DHCR24: variants seen among roughly 807,000 people sequenced by gnomAD.
The protein encoded by DHCR24 is 24-dehydrocholesterol reductase, also known as delta(24)-sterol reductase.
A neutral mutation model predicts 61.2 loss-of-function variants in DHCR24; 28 were observed. The ratio of observed to expected loss-of-function variants is 0.46; its 90% CI spans 0.34 to 0.63. DHCR24 has a LOEUF of 0.63. Ranked by LOEUF, DHCR24 falls within the 20% of genes least tolerant of loss-of-function variation. The pLI is 0.01. For synonymous variants in DHCR24, 261 were observed against 275.9 expected, an observed-to-expected ratio of 0.95 and a Z score of 0.54; for missense variants, 538 against 679.1, an observed-to-expected ratio of 0.79 and a Z score of 2.31.
chr1:54,869,804 C>T (rs1057278736), intron 5 of DHCR24, among the ~76,000 whole-genome samples: 1 of 152,170 alleles, frequency 6.6e-6, no homozygotes, highest in Admixed American at 6.5e-5. Context: ...GTAATCCCAG[C>T]ACTTGGCTTG....
At chr1:54,860,956 C>T (rs1646934148) in intron 6 of DHCR24, among the ~76,000 whole-genome samples, 1 of 151,518 alleles carries the variant, frequency 6.6e-6, no homozygotes, top group African/African-American at 2.4e-5. Flanking sequence ...CCACTGCACC[C>T]CAGCCTGGGC....
In DHCR24 at chr1:54,883,215, A is replaced by G. The variant is rs1475397605; in HGVS notation, c.387+403T>C. 6.6e-6 allele frequency among the ~76,000 whole-genome samples: 1 copy of G among 152,174 alleles called. No individual in the cohort carries two copies. The highest frequency in any genetic ancestry group is 2.4e-5 in the African/African-American group (1 of 41,442). On this transcript the variant is annotated intron_variant, in intron 2 of 8. Transcript: ENST00000371269. The surrounding 1 kb of genome is among the most constrained non-coding windows in gnomAD (Gnocchi z 4.3). ...AGAAGTAAAATTACTAGATGGGCCAAAAAGTATGTACATTTCGAAGGCTAT... is the reference window on the plus strand; with the variant it reads ...AGAAGTAAAATTACTAGATGGGCCAGAAAGTATGTACATTTCGAAGGCTAT...
Position 54,851,988 on chromosome 1 carries a change from T to C in DHCR24, c.*245A>G. 3 of 562,840 alleles carry C rather than the reference T, an allele frequency of 5.3e-6. No individual in the cohort carries two copies. The South Asian group carries it at 6.1e-5, about 11-fold the overall frequency. 34.9% of individuals were successfully genotyped at this position (562,840 alleles called of 1,614,324 possible). On this transcript the variant is annotated 3_prime_UTR_variant, in exon 9 of 9. Transcript: ENST00000371269. ...GAGGGGTTAAGGGACTCACCCAGAG[T>C]CACACAGCTAATGAGTTCTAAACGG...
rs374278045 is a variant in DHCR24 at position 54,852,621 on chromosome 1, G to A, written c.1398-235C>T. On this transcript the variant is annotated intron_variant, in intron 8 of 8. Transcript: ENST00000371269. ...CAGTGGAGGTAGAGTCAGGAGTAGAGCTCAGACTGCTGGGCTTCTGCCCCT... is the reference window on the plus strand; with the variant it reads ...CAGTGGAGGTAGAGTCAGGAGTAGAACTCAGACTGCTGGGCTTCTGCCCCT... 1.2e-3 allele frequency among the ~76,000 whole-genome samples: 176 copies of A among 152,340 alleles called. 1 individual carries two copies. The South Asian group carries it at 0.028, about 24-fold the overall frequency.
Position 54,887,169 on chromosome 1 carries a change from C to T in DHCR24, c.-50G>A, listed in dbSNP as rs775581494. ...TGCGGGTTCGCGCCTCCTGTCACTG[C>T]CGCCAGCTCCGCGCCTGGCCCGCTC... On this transcript the variant is annotated 5_prime_UTR_variant, in exon 1 of 9. Coordinates refer to ENST00000371269, the MANE Select transcript of DHCR24 (RefSeq NM_014762.4). 1.4e-6 allele frequency: 2 copies of T among 1,462,014 alleles called. No individual in the cohort carries two copies. Among genetic ancestry groups the T allele is most frequent in the Admixed American group, 2.0e-5 (1 of 50,410 alleles). 90.6% of individuals were successfully genotyped at this position (1,462,014 alleles called of 1,614,324 possible).
chr1:54,868,099 G>A (rs1292148545), intron 5 of DHCR24, among the ~76,000 whole-genome samples: 1 of 152,174 alleles, frequency 6.6e-6, no homozygotes, highest in Admixed American at 6.5e-5. Flanking sequence ...ACTTTAAAAT[G>A]TTTTAAGTAT....
chr1:54,855,394 C>CAA (rs34849017), intron 6 of DHCR24, among the ~76,000 whole-genome samples: 3 of 117,700 alleles, frequency 2.5e-5, no homozygotes, highest in African/African-American at 1.0e-4. Context: ...ACTCCGTCTC[C>CAA]AAAAAAAAAA....
At chr1:54,855,436 G>A (rs1646901796) in intron 6 of DHCR24, among the ~76,000 whole-genome samples, 1 of 151,816 alleles carries the variant, frequency 6.6e-6, no homozygotes, top group Admixed American at 6.6e-5. Context: ...TCCGAGGTCA[G>A]GAACCAGGTT....
At chr1:54,861,260 A>G (rs6676123) in intron 6 of DHCR24, among the ~76,000 whole-genome samples, 45,213 of 151,994 alleles carry the variant, frequency 0.3, 7,135 homozygotes, top group East Asian at 0.56. Flanking sequence ...ATCCCTATTC[A>G]TTTATGTACC....
chr1:54,869,586 T>TACAC (rs1387365375), intron 5 of DHCR24, among the ~76,000 whole-genome samples: 9 of 96,550 alleles, frequency 9.3e-5, no homozygotes, highest in Non-Finnish European at 1.5e-4. Context: ...CACACATACA[T>TACAC]ATACACACAC....
At chr1:54,877,358 C>T (rs1290668342) in intron 2 of DHCR24, among the ~76,000 whole-genome samples, 1 of 149,810 alleles carries the variant, frequency 6.7e-6, no homozygotes, top group Non-Finnish European at 1.5e-5. Flanking sequence ...TGTATACATC[C>T]CTTGGACTTC....
rs968829970 is a variant in DHCR24 at position 54,883,017 on chromosome 1, C to T, written c.387+601G>A. ...GCACAGAGAGATTAAGTAACTTGGC[C>T]AAGGTCTCACAATAATAACAAAATG... On this transcript the variant is annotated intron_variant, in intron 2 of 8. Coordinates refer to ENST00000371269, the MANE Select transcript of DHCR24 (RefSeq NM_014762.4). The surrounding 1 kb of genome is among the most constrained non-coding windows in gnomAD (Gnocchi z 4.3). Among the ~76,000 whole-genome samples the T allele has an allele frequency of 1.1e-4, 17 of 151,902 alleles. No individual in the cohort carries two copies. The highest frequency in any genetic ancestry group is 3.9e-4 in the African/African-American group (16 of 41,326).
rs1390684710 is a variant in DHCR24, at chr1:54,886,872, C to T, written c.231+17G>A. ...CGCCTCCGGCCCTGAGTCCCGGCCGCACCCGGCGCCGCTCACCTGCTTCTG... is the reference window on the plus strand; with the variant it reads ...CGCCTCCGGCCCTGAGTCCCGGCCGTACCCGGCGCCGCTCACCTGCTTCTG... On this transcript the variant is annotated intron_variant, in intron 1 of 8. Coordinates refer to ENST00000371269, the MANE Select transcript of DHCR24 (RefSeq NM_014762.4). The T allele has an allele frequency of 1.2e-6, 2 of 1,610,686 alleles. No homozygotes were observed. The highest frequency in any genetic ancestry group is 1.7e-6 in the Non-Finnish European group (2 of 1,178,942).
chr1:54,852,441 G>GT (rs1197874073), intron 8 of DHCR24, 55 bp from the exon 9 acceptor site: 1 of 1,602,654 alleles, frequency 6.2e-7, no homozygotes, highest in East Asian at 2.2e-5. Context: ...AACGCGAGGC[G>GT]TGAGAGAAAC....
At position 54,883,582 on chromosome 1, in the gene DHCR24, A is replaced by G. The variant is rs1383517186; in HGVS notation, c.387+36T>C. On this transcript the variant is annotated intron_variant, in intron 2 of 8. Coordinates refer to ENST00000371269, the MANE Select transcript of DHCR24 (RefSeq NM_014762.4). The surrounding 1 kb of genome is among the most constrained non-coding windows in gnomAD (Gnocchi z 4.3). ...TCACTTGCACCAGGGGCAGTGCCCC[A>G]CCTGCTCCCAGAGCCCGGAAAAGTG... The G allele has an allele frequency of 6.2e-7, 1 of 1,613,298 alleles. No homozygotes were observed. The highest frequency in any genetic ancestry group is 8.5e-7 in the Non-Finnish European group (1 of 1,179,686).
chr1:54,849,980 A>G lies in DHCR24; in HGVS notation c.*2253T>C, dbSNP rs1646865860. On this transcript the variant is annotated 3_prime_UTR_variant, in exon 9 of 9. Transcript: ENST00000371269. ...CCACATGCACTGCCCACTGGCATCAAGTTTAACTCCATCCAAAACCATCAC... is the reference window on the plus strand; with the variant it reads ...CCACATGCACTGCCCACTGGCATCAGGTTTAACTCCATCCAAAACCATCAC... 1 of 152,450 alleles carries G rather than the reference A, an allele frequency of 6.6e-6. No homozygotes were observed. Among genetic ancestry groups the G allele is most frequent in the African/African-American group, 2.4e-5 (1 of 41,440 alleles). The allele number at this position is 152,450 out of a possible 1,614,324, so 9.4% of individuals were successfully genotyped here.
At chr1:54,884,888 G>A (rs1193591275) in intron 1 of DHCR24, among the ~76,000 whole-genome samples, 2 of 152,186 alleles carry the variant, frequency 1.3e-5, no homozygotes, top group Admixed American at 6.5e-5. Context: ...AGGCTCCAGA[G>A]AATGAAGTCA....
At position 54,883,049 on chromosome 1, in the gene DHCR24, A is replaced by T. The variant is rs572626987; in HGVS notation, c.387+569T>A. On this transcript the variant is annotated intron_variant, in intron 2 of 8. Transcript: ENST00000371269. This position sits in a 1 kb window ranked among gnomAD's most constrained non-coding sequence, Gnocchi z 4.3. ...TCACAATAATAACAAAATGCCATCA[A>T]GTAGACATACCATATTTAATGACTA... Among the ~76,000 whole-genome samples, 5 of 152,356 alleles carry T rather than the reference A, an allele frequency of 3.3e-5. No homozygotes were observed. In the South Asian group the frequency reaches 1.0e-3, roughly 32 times the overall value.
At position 54,854,103 on chromosome 1, in the gene DHCR24, C is replaced by T. The variant is rs778674559; in HGVS notation, c.1152G>A (p.Val384=). 5 of 1,613,942 alleles carry T rather than the reference C, an allele frequency of 3.1e-6. No homozygotes were observed. The African/African-American group carries it at 4.0e-5, about 13-fold the overall frequency. The change falls in exon 7 of 9, where the codon GTG becomes GTA. Residue 384 remains valine, a synonymous_variant. Transcript: ENST00000371269. The part of the protein sequence containing the change: ...LRKLYEQHHV[V]QDMLVPMKCL... ...ACTTCATGGGCACCAGCATGTCCTGCACCACGTGGTGCTGCTCGTACAGCT... is the reference window on the plus strand; with the variant it reads ...ACTTCATGGGCACCAGCATGTCCTGTACCACGTGGTGCTGCTCGTACAGCT...
Sources: allele counts gnomAD v4.1 joint callset (sites outside exome capture counted in the v4.1 genomes callset), GRCh38; gene constraint gnomAD v4.1.1; non-coding constraint Gnocchi (gnomAD v3.1); transcripts MANE v1.5; gene names NCBI Gene and HGNC (gene_info 2026-07-23, HGNC 2026-07-21).